NLGN1: variants seen among roughly 807,000 people sequenced by gnomAD.
The protein encoded by NLGN1 is neuroligin 1.
In NLGN1, 12 loss-of-function variants were observed where a neutral mutation model predicts 65.5. That is an observed-to-expected ratio of 0.18 (90% CI 0.12 to 0.30). The LOEUF is 0.30. Ranked by LOEUF, NLGN1 falls within the 10% of genes least tolerant of loss-of-function variation. NLGN1 has a pLI of 1.00. For missense variants in NLGN1, 750 were observed against 1,007.1 expected (o/e 0.74, Z 3.46); for synonymous variants, 350 against 359.5 (o/e 0.97, Z 0.30).
intron 4 of NLGN1, among the ~76,000 whole-genome samples, chr3:173,938,185 A>G (rs1745376923): frequency 6.6e-6 from 1 of 152,162 alleles, no homozygotes; most frequent in Non-Finnish European, 1.5e-5. Flanking sequence ...CACTAATGCT[A>G]TTCACAAGAA....
chr3:173,937,358 G>A (rs1346643507), intron 4 of NLGN1, among the ~76,000 whole-genome samples: 1 of 151,982 alleles, frequency 6.6e-6, no homozygotes, highest in African/African-American at 2.4e-5. Flanking sequence ...TATACAAATA[G>A]AACAAAGATT....
intron 4 of NLGN1, among the ~76,000 whole-genome samples, chr3:174,266,191 A>AATCT (rs1211184447): frequency 6.6e-6 from 1 of 151,768 alleles, no homozygotes; most frequent in Non-Finnish European, 1.5e-5. Flanking sequence ...TAGTTTTTTC[A>AATCT]ATCTTCACCC....
chr3:174,085,655 A>G (rs1342000045), intron 4 of NLGN1, among the ~76,000 whole-genome samples: 1 of 152,012 alleles, frequency 6.6e-6, no homozygotes, highest in Non-Finnish European at 1.5e-5. Flanking sequence ...AGAGTAAGAA[A>G]GGCTACCCTT....
chr3:173,628,992 T>C (rs1393207950), intron 3 of NLGN1, among the ~76,000 whole-genome samples: 1 of 129,636 alleles, frequency 7.7e-6, no homozygotes, highest in East Asian at 2.1e-4. Flanking sequence ...ATATTTTTAT[T>C]ACTTATCTCA....
intron 4 of NLGN1, among the ~76,000 whole-genome samples, chr3:174,050,483 A>G (rs1037634929): frequency 6.6e-6 from 1 of 152,072 alleles, no homozygotes; most frequent in Non-Finnish European, 1.5e-5. Context: ...GTAAACTGTT[A>G]GAAAATAGTG....
At chr3:174,171,560 T>C (rs1376267621) in intron 4 of NLGN1, among the ~76,000 whole-genome samples, 1 of 152,182 alleles carries the variant, frequency 6.6e-6, no homozygotes, top group Non-Finnish European at 1.5e-5. Context: ...AAGAGATCTT[T>C]AATGTTGAAA....
At chr3:174,002,222 G>A (rs1049247153) in intron 4 of NLGN1, among the ~76,000 whole-genome samples, 3 of 152,034 alleles carry the variant, frequency 2.0e-5, no homozygotes, top group African/African-American at 7.2e-5. Flanking sequence ...CCGCCTCCTC[G>A]GTTCAAGTGA....
chr3:173,884,840 G>T (rs1031339154), intron 4 of NLGN1, among the ~76,000 whole-genome samples: 3 of 152,114 alleles, frequency 2.0e-5, no homozygotes, highest in Non-Finnish European at 4.4e-5. Context: ...GTGCCGACAG[G>T]TTCATGTCTG....
At chr3:174,099,747 A>G (rs1391482790) in intron 4 of NLGN1, among the ~76,000 whole-genome samples, 2 of 152,232 alleles carry the variant, frequency 1.3e-5, no homozygotes, top group African/African-American at 4.8e-5. Flanking sequence ...AAAAAAGTTC[A>G]AAAGAATGCA....
intron 1 of NLGN1, among the ~76,000 whole-genome samples, chr3:173,404,258 A>G (rs2148618247): frequency 6.6e-6 from 1 of 152,290 alleles, no homozygotes; most frequent in African/African-American, 2.4e-5. Flanking sequence ...GGAAACATAA[A>G]CTAGGAAAAG....
At chr3:174,265,888 G>C (rs1266848819) in intron 4 of NLGN1, among the ~76,000 whole-genome samples, 2 of 136,802 alleles carry the variant, frequency 1.5e-5, no homozygotes, top group East Asian at 4.1e-4. Flanking sequence ...ATATATATAC[G>C]TATATATGTA....
intron 4 of NLGN1, among the ~76,000 whole-genome samples, chr3:174,171,483 A>G (rs1488298763): frequency 6.6e-6 from 1 of 152,150 alleles, no homozygotes; most frequent in Admixed American, 6.6e-5. Flanking sequence ...GCAAAGAAAA[A>G]CATGATCTAG....
chr3:174,041,301 G>T (rs1482852217), intron 4 of NLGN1, among the ~76,000 whole-genome samples: 1 of 152,018 alleles, frequency 6.6e-6, no homozygotes, highest in African/African-American at 2.4e-5. Context: ...TATCTATGTT[G>T]TCAATATGTT....
At chr3:174,248,739 C>T (rs912295387) in intron 4 of NLGN1, among the ~76,000 whole-genome samples, 1 of 152,130 alleles carries the variant, frequency 6.6e-6, no homozygotes, top group African/African-American at 2.4e-5. Flanking sequence ...GTAGCCTGGG[C>T]AACGGAGTGA....
intron 2 of NLGN1, among the ~76,000 whole-genome samples, chr3:173,519,944 T>C (rs1734482021): frequency 6.6e-6 from 1 of 152,176 alleles, no homozygotes; most frequent in Non-Finnish European, 1.5e-5. Flanking sequence ...TCTGAAGTGT[T>C]GGAGGTGGGA....
At chr3:174,203,440 TG>T (rs1226907449) in intron 4 of NLGN1, among the ~76,000 whole-genome samples, 4 of 152,214 alleles carry the variant, frequency 2.6e-5, no homozygotes, top group African/African-American at 9.6e-5. Flanking sequence ...CAGTTCGATG[TG>T]GATGAATCTT....
chr3:173,756,740 A>G (rs1330508534), intron 3 of NLGN1, among the ~76,000 whole-genome samples: 1 of 147,742 alleles, frequency 6.8e-6, no homozygotes, highest in African/African-American at 2.4e-5. Context: ...GAAAACAAAG[A>G]AGATACAAAG....
chr3:173,829,465 C>A (rs1722024585), intron 4 of NLGN1, among the ~76,000 whole-genome samples: 1 of 148,736 alleles, frequency 6.7e-6, no homozygotes, highest in Non-Finnish European at 1.5e-5. Context: ...ATTTGACATG[C>A]ATATACATTG....
intron 4 of NLGN1, among the ~76,000 whole-genome samples, chr3:174,062,343 T>C (rs1031458971): frequency 1.3e-5 from 2 of 152,124 alleles, no homozygotes; most frequent in Admixed American, 1.3e-4. Flanking sequence ...CGTATAGTTC[T>C]CTTTTCCATA....
Sources: gnomAD v4.1 joint callset for allele counts (sites outside exome capture counted in the v4.1 genomes callset) on GRCh38, gnomAD v4.1.1 for gene constraint, MANE v1.5 for transcripts, NCBI Gene and HGNC (gene_info 2026-07-23, HGNC 2026-07-21) for gene names.